Variants in PTCRA observed in about 807,000 individuals in gnomAD.
The protein encoded by PTCRA is pre T cell antigen receptor alpha.
A neutral mutation model predicts 13.4 loss-of-function variants in PTCRA; 9 were observed. The observed-to-expected ratio is 0.67, with a 90% confidence interval of 0.41 to 1.18. PTCRA has a LOEUF of 1.18. Ranked by LOEUF, PTCRA falls within the 50% of genes most tolerant of loss-of-function variation. The pLI is 0.01. For synonymous variants in PTCRA, 153 were observed against 161.9 expected (o/e 0.94, Z 0.42); for missense variants, 353 against 359.8 (o/e 0.98, Z 0.15).
intron 3 of PTCRA, among the ~76,000 whole-genome samples, chr6:42,924,699 G>A (rs1271496434): frequency 2.6e-5 from 4 of 152,066 alleles, no homozygotes; most frequent in African/African-American, 9.7e-5. Flanking sequence ...GAGGCCGGGT[G>A]CGGTGGCTCA....
intron 1 of PTCRA, among the ~76,000 whole-genome samples, chr6:42,920,871 C>G (rs1374842387): frequency 7.4e-5 from 11 of 149,434 alleles, no homozygotes; most frequent in African/African-American, 2.7e-4. Context: ...GATCTCAGCT[C>G]ACTGCAACCT....
chr6:42,925,761 G>GT lies in PTCRA; in HGVS notation c.*80dup. On this transcript the variant is annotated 3_prime_UTR_variant, in exon 4 of 4. Coordinates refer to ENST00000304672, the MANE Select transcript of PTCRA (RefSeq NM_138296.3). This position sits in a 1 kb window ranked among gnomAD's most constrained non-coding sequence, Gnocchi z 4.4. ...TCCAAAAGGGGGCCCCTTGAGAATG[G>GT]TGATCCACCCAGTTACAGGGGCATT... 2 of 958,762 alleles carry GT rather than the reference G, an allele frequency of 2.1e-6. No homozygotes were observed. Among genetic ancestry groups the GT allele is most frequent in the Non-Finnish European group, 3.0e-6 (2 of 662,294 alleles). The allele number at this position is 958,762 out of a possible 1,614,324, so 59.4% of individuals were successfully genotyped here.
chr6:42,919,232 G>A (rs1424640363), intron 1 of PTCRA, among the ~76,000 whole-genome samples: 3 of 151,998 alleles, frequency 2.0e-5, no homozygotes, highest in Non-Finnish European at 4.4e-5. Context: ...CTGACCTTGT[G>A]ATCTGCCCAC....
At chr6:42,919,384 C>A (rs1462582439) in intron 1 of PTCRA, among the ~76,000 whole-genome samples, 1 of 152,120 alleles carries the variant, frequency 6.6e-6, no homozygotes, top group Non-Finnish European at 1.5e-5. Context: ...TCCCTGCACT[C>A]TGGGACATTT....
intron 1 of PTCRA, among the ~76,000 whole-genome samples, chr6:42,921,392 G>A (rs934272918): frequency 7.1e-6 from 1 of 141,430 alleles, no homozygotes; most frequent in African/African-American, 2.7e-5. Context: ...GTGAGCCACC[G>A]CACCCAGCCA....
rs1217029385 is a variant in PTCRA at position 42,923,296 on chromosome 6, G to A, written c.328G>A (p.Gly110Arg). 6.2e-7 allele frequency: 1 copy of A among 1,614,170 alleles called. No individual in the cohort carries two copies. Among genetic ancestry groups the A allele is most frequent in the Non-Finnish European group, 8.5e-7 (1 of 1,180,010 alleles). ...CTGGGAGCCTTTGGTCTGCCACACT[G>A]GGCCTGGGGCTGAGGGTCACAGCAG... ...ASWEPLVCHTGPGAEGHSRST... is the reference protein window; with the variant it reads ...ASWEPLVCHTRPGAEGHSRST... The change falls in exon 2 of 4, where the codon GGG (glycine) becomes AGG (arginine). Residue 110 changes from glycine (G) to arginine (R), a missense_variant. Transcript: ENST00000304672.
At chr6:42,923,493 AG>A in intron 2 of PTCRA, 146 bp downstream of exon 2, 1 of 755,498 alleles carries the variant, frequency 1.3e-6, no homozygotes, top group East Asian at 2.7e-5. Flanking sequence ...ACCTGGGCTC[AG>A]GGGAGAGTGG....
At chr6:42,922,902 G>A in intron 1 of PTCRA, 125 bp from the exon 2 acceptor site, 1 of 877,206 alleles carries the variant, frequency 1.1e-6, no homozygotes, top group South Asian at 1.6e-5. Flanking sequence ...AGAAGGACAT[G>A]TAGATGGATG....
intron 2 of PTCRA, among the ~76,000 whole-genome samples, chr6:42,923,979 T>C (rs1767309495): frequency 6.6e-6 from 1 of 152,202 alleles, no homozygotes; most frequent in Non-Finnish European, 1.5e-5. Flanking sequence ...GTCAGTTCCT[T>C]ATCTGAGAGT....
intron 1 of PTCRA, 121 bp downstream of exon 1, chr6:42,916,248 A>ACCTCTGGGGAGGGTC (rs573173673): frequency 1.0e-6 from 1 of 1,000,448 alleles, no homozygotes; most frequent in East Asian, 2.6e-5. Flanking sequence ...ATATTTAGGG[A>ACCTCTGGGGAGGGTC]CCTCTGGGGA....
Position 42,925,250 on chromosome 6 carries a change from C to A in PTCRA, c.425-11C>A. The A allele has an allele frequency of 6.3e-7, 1 of 1,582,220 alleles. No individual in the cohort carries two copies. The highest frequency in any genetic ancestry group is 8.5e-7 in the Non-Finnish European group (1 of 1,171,774). ...GGCTCCTGCGGGCTCCTGAGCGGTT[C>A]CTCCTCGCAGGGACACCGGGTGGGG... On this transcript the variant is annotated splice_polypyrimidine_tract_variant and intron_variant, in intron 3 of 3. Transcript: ENST00000304672. The surrounding 1 kb of genome is among the most constrained non-coding windows in gnomAD (Gnocchi z 4.4).
chr6:42,924,336 G>T (rs778658960), intron 3 of PTCRA, 63 bp downstream of exon 3: 4 of 1,462,126 alleles, frequency 2.7e-6, no homozygotes, highest in South Asian at 2.3e-5. Flanking sequence ...GGCCCGGGGG[G>T]TGGGGCCTTC....
At position 42,925,154 on chromosome 6, in the gene PTCRA, G is replaced by T; in HGVS notation, c.425-107G>T. 7.1e-7 allele frequency: 1 copy of T among 1,417,206 alleles called. No individual in the cohort carries two copies. The highest frequency in any genetic ancestry group is 9.4e-7 in the Non-Finnish European group (1 of 1,066,668). 87.8% of individuals were successfully genotyped at this position (1,417,206 alleles called of 1,614,324 possible). On this transcript the variant is annotated intron_variant, in intron 3 of 3. Transcript: ENST00000304672. The surrounding 1 kb of genome is among the most constrained non-coding windows in gnomAD (Gnocchi z 4.4). ...CGGGAAGGACTTTCCCTGGAGGAGGGGGTGAAGGGGACGGGCAAGGGCAGA... is the reference window on the plus strand; with the variant it reads ...CGGGAAGGACTTTCCCTGGAGGAGGTGGTGAAGGGGACGGGCAAGGGCAGA...
At chr6:42,918,970 T>C (rs886359905) in intron 1 of PTCRA, among the ~76,000 whole-genome samples, 74 of 151,424 alleles carry the variant, frequency 4.9e-4, no homozygotes, top group African/African-American at 1.7e-3. Context: ...TTTGTATTTT[T>C]AGTAGAGACA....
intron 3 of PTCRA, among the ~76,000 whole-genome samples, chr6:42,924,551 G>C (rs1236649098): frequency 1.3e-5 from 2 of 152,232 alleles, no homozygotes; most frequent in East Asian, 3.9e-4. Flanking sequence ...GTCCTCCTTG[G>C]GCAGCCCAGG....
intron 1 of PTCRA, 65 bp downstream of exon 1, chr6:42,916,192 T>TGA: frequency 6.9e-7 from 1 of 1,449,516 alleles, no homozygotes; most frequent in Non-Finnish European, 9.7e-7. Flanking sequence ...CCCCTCACTC[T>TGA]GGACCTCCCT....
chr6:42,920,808 A>C (rs1767117472), intron 1 of PTCRA, among the ~76,000 whole-genome samples: 1 of 141,926 alleles, frequency 7.0e-6, no homozygotes, highest in African/African-American at 2.7e-5. Flanking sequence ...TATCTAAACA[A>C]AGCTTTTTTT....
rs138620308 is a variant in PTCRA, at chr6:42,922,076, C to T, written c.59-951C>T. The T allele has an allele frequency of 8.0e-4, 456 of 572,736 alleles. 3 individuals carry two copies. Among genetic ancestry groups the T allele is most frequent in the African/African-American group, 7.7e-3 (406 of 52,582 alleles). The allele number at this position is 572,736 out of a possible 1,614,324, so 35.5% of individuals were successfully genotyped here. On this transcript the variant is annotated intron_variant, in intron 1 of 3. Transcript: ENST00000304672. ...CAAAACTACAGGCTACAGAAAAAGG[C>T]TGAGAATAAAAGAAAAAATACCCAA...
intron 1 of PTCRA, 52 bp downstream of exon 1, chr6:42,916,179 C>G (rs755884753): frequency 2.3e-5 from 36 of 1,546,592 alleles, no homozygotes; most frequent in Non-Finnish European, 2.9e-5. Flanking sequence ...TGCCGAAGCC[C>G]ATCCCCTCAC....
Sources: gnomAD v4.1 joint callset for allele counts (sites outside exome capture counted in the v4.1 genomes callset) on GRCh38, gnomAD v4.1.1 for gene constraint, Gnocchi (gnomAD v3.1) non-coding constraint, MANE v1.5 for transcripts, NCBI Gene and HGNC (gene_info 2026-07-23, HGNC 2026-07-21) for gene names.